DLG2: variants seen among roughly 807,000 people sequenced by gnomAD.
The protein encoded by DLG2 is disks large homolog 2.
Under a neutral mutation model 132.5 loss-of-function variants are expected in DLG2, and 45 were observed. That is an observed-to-expected ratio of 0.34 (90% CI 0.27 to 0.44). DLG2 has a LOEUF of 0.44. DLG2 is among the 20% of genes least tolerant of loss of function. The pLI is 1.00. For synonymous variants in DLG2, 424 were observed against 419.6 expected, an observed-to-expected ratio of 1.01 and a Z score of -0.13; for missense variants, 1,045 against 1,196.9, an observed-to-expected ratio of 0.87 and a Z score of 1.87.
intron 2 of DLG2, chr11:85,625,217 A>G (rs999899732): frequency 2.8e-4 from 43 of 152,160 alleles, no homozygotes; most frequent in African/African-American, 1.0e-3. Flanking sequence ...TAATTCCATT[A>G]TTAGTTCAAA....
chr11:84,671,585 T>C (rs2099705970), intron 6 of DLG2, among the ~76,000 whole-genome samples: 3 of 152,286 alleles, frequency 2.0e-5, no homozygotes, highest in South Asian at 4.1e-4. Context: ...TTAAACAGAA[T>C]GACTTCCGTG....
chr11:84,112,296 CCTTT>C (rs1041641048), intron 9 of DLG2, among the ~76,000 whole-genome samples: 5 of 148,040 alleles, frequency 3.4e-5, no homozygotes, highest in African/African-American at 1.3e-4. Context: ...CCGCATCCGG[CCTTT>C]TTTTTTTTCT....
At chr11:84,131,506 G>C (rs981606574) in intron 9 of DLG2, among the ~76,000 whole-genome samples, 3 of 151,800 alleles carry the variant, frequency 2.0e-5, no homozygotes, top group African/African-American at 7.3e-5. Flanking sequence ...TCACCCTATA[G>C]AATTTCATTC....
intron 7 of DLG2, among the ~76,000 whole-genome samples, chr11:84,268,803 A>C (rs2097682136): frequency 6.6e-6 from 1 of 152,084 alleles, no homozygotes; most frequent in South Asian, 2.1e-4. Context: ...GATAGTACCT[A>C]CATCAGAAGT....
intron 3 of DLG2, among the ~76,000 whole-genome samples, chr11:85,487,005 C>T (rs772681512): frequency 6.6e-5 from 10 of 150,738 alleles, no homozygotes; most frequent in East Asian, 2.0e-4. Context: ...CCTAAACCAC[C>T]GAGAAGTTCA....
At chr11:84,242,059 G>A (rs1312354080) in intron 8 of DLG2, among the ~76,000 whole-genome samples, 4 of 152,154 alleles carry the variant, frequency 2.6e-5, no homozygotes, top group Non-Finnish European at 4.4e-5. Context: ...TACACTTCTT[G>A]GAATAAGAGT....
rs1412450094 is a variant in DLG2 at position 83,706,586 on chromosome 11, A to C, written c.1826-73261T>G. The stretch of plus-strand genomic sequence containing the variant: ...TTCATTTTGAGCAGTGATCCTGAGA[A>C]GAGGAAAGAGGAAGCAGGGAAACCT... On this transcript the variant is annotated intron_variant, in intron 18 of 27. Transcript: ENST00000376104. 8.5e-5 allele frequency among the ~76,000 whole-genome samples: 13 copies of C among 152,354 alleles called. No homozygotes were observed. In the East Asian group the frequency reaches 1.5e-3, roughly 18 times the overall value.
intron 18 of DLG2, among the ~76,000 whole-genome samples, chr11:83,670,595 A>G (rs2076671230): frequency 6.6e-6 from 1 of 152,000 alleles, no homozygotes; most frequent in Admixed American, 6.6e-5. Flanking sequence ...GTCATAGATG[A>G]AGACATTTCT....
chr11:84,665,054 T>A (rs559725023), intron 6 of DLG2, among the ~76,000 whole-genome samples: 1 of 152,222 alleles, frequency 6.6e-6, no homozygotes, highest in South Asian at 2.1e-4. Flanking sequence ...AGCTGGAGAT[T>A]CTTCTATAGA....
chr11:83,736,318 A>G (rs375754466), intron 18 of DLG2, among the ~76,000 whole-genome samples: 157 of 152,296 alleles, frequency 1.0e-3, no homozygotes, highest in African/African-American at 3.4e-3. Flanking sequence ...GGAAAAGGGT[A>G]TTACACAAGT....
At chr11:84,747,624 A>G (rs2065547986) in intron 6 of DLG2, among the ~76,000 whole-genome samples, 1 of 152,206 alleles carries the variant, frequency 6.6e-6, no homozygotes, top group Admixed American at 6.5e-5. Context: ...TTGTCCTTGC[A>G]CTAAGGTACT....
At chr11:84,595,643 T>C (rs539571563) in intron 6 of DLG2, among the ~76,000 whole-genome samples, 78 of 152,324 alleles carry the variant, frequency 5.1e-4, no homozygotes, top group African/African-American at 1.8e-3. Flanking sequence ...CTCAAGGTAG[T>C]GAAGCTTTCA....
At chr11:83,939,596 T>C (rs1003193569) in intron 14 of DLG2, among the ~76,000 whole-genome samples, 1 of 152,196 alleles carries the variant, frequency 6.6e-6, no homozygotes, top group African/African-American at 2.4e-5. Context: ...GAATAAATAC[T>C]CTACCTCTAA....
chr11:84,205,677 T>A (rs1442241234), intron 8 of DLG2, among the ~76,000 whole-genome samples: 1 of 152,018 alleles, frequency 6.6e-6, no homozygotes, highest in Non-Finnish European at 1.5e-5. Flanking sequence ...AGATAACAAA[T>A]TTTTTTGGAC....
At chr11:84,048,263 C>G (rs2096279957) in intron 11 of DLG2, among the ~76,000 whole-genome samples, 1 of 151,514 alleles carries the variant, frequency 6.6e-6, no homozygotes, top group Non-Finnish European at 1.5e-5. Context: ...AAATAGTTCA[C>G]CACTTTCTTT....
At chr11:84,874,438 G>C (rs968482345) in intron 6 of DLG2, among the ~76,000 whole-genome samples, 6 of 152,162 alleles carry the variant, frequency 3.9e-5, no homozygotes, top group Non-Finnish European at 7.3e-5. Context: ...CAAGGAGAGA[G>C]AGAGGGATTG....
At position 84,361,516 on chromosome 11, in the gene DLG2, A is replaced by C. The variant is rs2098649632; in HGVS notation, c.520-110225T>G. On this transcript the variant is annotated intron_variant, in intron 7 of 27. Coordinates refer to ENST00000376104, the MANE Select transcript of DLG2 (RefSeq NM_001142699.3). ...AAAAGGACAAAATCTTATAATATTC[A>C]TTGCCAGCAAATCTGTACCACAATA... Among the ~76,000 whole-genome samples the C allele has an allele frequency of 2.6e-5, 4 of 151,948 alleles. No individual in the cohort carries two copies. In the South Asian group the frequency reaches 8.3e-4, roughly 32 times the overall value.
chr11:85,409,893 C>T (rs552580226), intron 3 of DLG2, among the ~76,000 whole-genome samples: 10 of 151,766 alleles, frequency 6.6e-5, no homozygotes, highest in Non-Finnish European at 1.3e-4. Context: ...GATGTTGGAG[C>T]TGCTCAGTTC....
intron 6 of DLG2, chr11:84,686,994 G>A (rs747727107): frequency 6.6e-6 from 1 of 151,916 alleles, no homozygotes; most frequent in Admixed American, 6.6e-5. Flanking sequence ...ATGTTTTCCT[G>A]CTGTGGTTAA....
Sources: gnomAD v4.1 joint callset for allele counts (sites outside exome capture counted in the v4.1 genomes callset) on GRCh38, gnomAD v4.1.1 for gene constraint, MANE v1.5 for transcripts, NCBI Gene and HGNC (gene_info 2026-07-23, HGNC 2026-07-21) for gene names.